NCAPG2: variants seen among roughly 807,000 people sequenced by gnomAD.
NCAPG2 encodes non-SMC condensin II complex subunit G2.
In NCAPG2, 53 loss-of-function variants were observed where a neutral mutation model predicts 141.1. The observed-to-expected ratio is 0.38, with a 90% CI of 0.30 to 0.47. The LOEUF is 0.47. Ranked by LOEUF, NCAPG2 falls within the 20% of genes least tolerant of loss-of-function variation. The pLI is 0.99. For synonymous variants in NCAPG2, 499 were observed against 490.7 expected (o/e 1.02, Z -0.22); for missense variants, 1,087 against 1,389.0 (o/e 0.78, Z 3.46).
intron 27 of NCAPG2, among the ~76,000 whole-genome samples, chr7:158,638,875 CTGTG>C (rs1239672297): frequency 6.6e-6 from 1 of 152,180 alleles, no homozygotes; most frequent in Non-Finnish European, 1.5e-5. Flanking sequence ...CTCACAAATG[CTGTG>C]TGTGAGCCAC....
chr7:158,702,927 C>G (rs1246033323), intron 1 of NCAPG2, among the ~76,000 whole-genome samples: 2 of 152,182 alleles, frequency 1.3e-5, no homozygotes, highest in African/African-American at 4.8e-5. Flanking sequence ...AACAACAGAC[C>G]ACATGTATGA....
chr7:158,632,987 C>T (rs1163979208), intron 27 of NCAPG2, among the ~76,000 whole-genome samples: 1 of 152,058 alleles, frequency 6.6e-6, no homozygotes, highest in Non-Finnish European at 1.5e-5. Context: ...TATTGGCCTG[C>T]ATGAATCTAG....
intron 8 of NCAPG2, among the ~76,000 whole-genome samples, chr7:158,685,309 G>C (rs1397347959): frequency 6.6e-6 from 1 of 152,168 alleles, no homozygotes; most frequent in Non-Finnish European, 1.5e-5. Context: ...GAGGTGACTT[G>C]AAGTCCCTGA....
At chr7:158,678,217 T>C (rs892509195) in intron 11 of NCAPG2, among the ~76,000 whole-genome samples, 1 of 152,166 alleles carries the variant, frequency 6.6e-6, no homozygotes, top group Non-Finnish European at 1.5e-5. Context: ...AAATAACCAC[T>C]GCTCTTACTT....
Position 158,686,216 on chromosome 7 carries a change from T to C in NCAPG2, c.793A>G (p.Ile265Val), listed in dbSNP as rs975276673. ...QKSLMVYIAE[I>V]YFRAWKKASG... ...GCCTTTTTCCAAGCTCTGAAATAAA[T>C]TTCTGCAATGTATACCATCAAAGAC... The change falls in exon 8 of 28, where the codon ATT becomes GTT. Residue 265 changes from isoleucine (I) to valine (V), a missense_variant. Ile to Val is a conservative substitution (Grantham distance 29, BLOSUM62 3). Transcript: ENST00000356309. The C allele has an allele frequency of 7.6e-6, 12 of 1,581,044 alleles. No homozygotes were observed. The highest frequency in any genetic ancestry group is 9.4e-6 in the Non-Finnish European group (11 of 1,164,088).
chr7:158,638,803 C>T (rs951942305), intron 27 of NCAPG2, among the ~76,000 whole-genome samples: 8 of 152,102 alleles, frequency 5.3e-5, no homozygotes, highest in Non-Finnish European at 8.8e-5. Flanking sequence ...ACACAATTAA[C>T]GAACGTGAAC....
chr7:158,654,846 T>C, intron 21 of NCAPG2, 152 bp from the exon 22 acceptor site: 1 of 1,358,372 alleles, frequency 7.4e-7, no homozygotes. Context: ...TAAAGATACA[T>C]TAATTCTTGT....
chr7:158,678,676 C>T (rs1260390138), intron 11 of NCAPG2, among the ~76,000 whole-genome samples: 4 of 141,546 alleles, frequency 2.8e-5, no homozygotes, highest in African/African-American at 5.3e-5. Context: ...AGACAGAGCA[C>T]GACTCTGTCT....
chr7:158,656,510 T>C (rs776076078), intron 18 of NCAPG2, 42 bp downstream of exon 18: 1 of 1,612,456 alleles, frequency 6.2e-7, no homozygotes, highest in Non-Finnish European at 8.5e-7. Flanking sequence ...TACACAGTTA[T>C]CCTCACTCAC....
In NCAPG2 at chr7:158,648,526, G is replaced by A. The variant is rs925635453; in HGVS notation, c.3076-1963C>T. Among the ~76,000 whole-genome samples, 22 of 145,858 alleles carry A rather than the reference G, an allele frequency of 1.5e-4. 5 individuals are homozygous for A. Among genetic ancestry groups the A allele is most frequent in the East Asian group, 6.2e-4 (3 of 4,876 alleles). ...AAAAAAAAGAATGGACTATAACCAC[G>A]CCAAATGGACGACAACCACGGCAAA... is the stretch of plus-strand genomic sequence containing the variant. On this transcript the variant is annotated intron_variant, in intron 24 of 27. Coordinates refer to ENST00000356309, the MANE Select transcript of NCAPG2 (RefSeq NM_017760.7).
intron 15 of NCAPG2, among the ~76,000 whole-genome samples, chr7:158,663,334 A>G (rs564415533): frequency 2.0e-5 from 3 of 152,378 alleles, no homozygotes; most frequent in African/African-American, 7.2e-5. Flanking sequence ...TGAAGACGGA[A>G]GTGGCTCTCA....
chr7:158,701,794 C>T (rs1835811570), intron 2 of NCAPG2, 28 bp downstream of exon 2: 1 of 1,586,606 alleles, frequency 6.3e-7, no homozygotes, highest in East Asian at 2.2e-5. Flanking sequence ...AGTCAAAAAT[C>T]ACAACAAAAC....
At chr7:158,651,302 G>A (rs1020059510) in intron 23 of NCAPG2, among the ~76,000 whole-genome samples, 1 of 152,160 alleles carries the variant, frequency 6.6e-6, no homozygotes, top group Non-Finnish European at 1.5e-5. Flanking sequence ...TCAGCTATGA[G>A]GCAATGTATT....
At chr7:158,698,273 C>T (rs1835579470) in intron 2 of NCAPG2, among the ~76,000 whole-genome samples, 10 of 152,188 alleles carry the variant, frequency 6.6e-5, no homozygotes. Flanking sequence ...TATAAATTTA[C>T]TGTAGCCCAA....
intron 23 of NCAPG2, among the ~76,000 whole-genome samples, chr7:158,651,475 C>T (rs115087706): frequency 3.1e-3 from 465 of 152,258 alleles, no homozygotes; most frequent in African/African-American, 0.011. Context: ...CTTCAATGAC[C>T]TCTATCAGCA....
At chr7:158,660,714 C>T (rs1832431286) in intron 16 of NCAPG2, among the ~76,000 whole-genome samples, 1 of 152,160 alleles carries the variant, frequency 6.6e-6, no homozygotes, top group Non-Finnish European at 1.5e-5. Context: ...CCATGCCCAG[C>T]TAATGAGCTT....
chr7:158,666,774 TAAATA>T (rs1254568800), intron 13 of NCAPG2, among the ~76,000 whole-genome samples: 1 of 151,578 alleles, frequency 6.6e-6, no homozygotes. Flanking sequence ...AAAAAATAAA[TAAATA>T]AAATAAAAAG....
chr7:158,651,511 A>T (rs185156538), intron 23 of NCAPG2, among the ~76,000 whole-genome samples: 21 of 152,344 alleles, frequency 1.4e-4, no homozygotes, highest in Non-Finnish European at 3.1e-4. Flanking sequence ...TCAATATTTC[A>T]TAAATAGCCT....
chr7:158,654,751 C>T lies in NCAPG2; in HGVS notation c.2647-57G>A, dbSNP rs142716934. 210 of 1,565,486 alleles carry T rather than the reference C, an allele frequency of 1.3e-4. 1 individual carries two copies. The African/African-American group carries it at 2.3e-3, about 17-fold the overall frequency. ...GGCCATTTTTAAAAAGGGAGTAAATCCAGCCTCACAAAGCTTCTCCTATCC... is the reference window on the plus strand; with the variant it reads ...GGCCATTTTTAAAAAGGGAGTAAATTCAGCCTCACAAAGCTTCTCCTATCC... On this transcript the variant is annotated intron_variant, in intron 21 of 27. Transcript: ENST00000356309.
Sources: allele counts gnomAD v4.1 joint callset (sites outside exome capture counted in the v4.1 genomes callset), GRCh38; gene constraint gnomAD v4.1.1; transcripts MANE v1.5; gene names NCBI Gene and HGNC (gene_info 2026-07-23, HGNC 2026-07-21).